Variants in GRID1 observed in about 807,000 individuals in gnomAD.
GRID1 encodes the protein glutamate receptor ionotropic, delta-1.
Under a neutral mutation model 98.0 loss-of-function variants are expected in GRID1, and 28 were observed. The observed-to-expected ratio is 0.29, with a 90% CI of 0.21 to 0.39. The LOEUF (loss-of-function observed/expected upper bound fraction) is 0.39, where lower values mean the gene tolerates loss of function less well. Ranked by LOEUF, GRID1 falls within the 10% of genes least tolerant of loss-of-function variation. The pLI is 1.00. For synonymous variants in GRID1, 553 were observed against 538.5 expected (o/e 1.03, Z -0.37); for missense variants, 1,111 against 1,340.5 (o/e 0.83, Z 2.67).
chr10:86,103,345 A>G (rs894725750), intron 4 of GRID1, among the ~76,000 whole-genome samples: 3 of 152,182 alleles, frequency 2.0e-5, no homozygotes, highest in African/African-American at 4.8e-5. Context: ...TCAATTCCCT[A>G]TAGGGCCCAG....
chr10:86,323,712 A>C (rs186769088), intron 2 of GRID1, among the ~76,000 whole-genome samples: 1 of 152,360 alleles, frequency 6.6e-6, no homozygotes, highest in East Asian at 1.9e-4. Flanking sequence ...TTCTGGAATT[A>C]GGTAGTGGCA....
chr10:86,187,677 G>A (rs915606307), intron 3 of GRID1, among the ~76,000 whole-genome samples: 4 of 152,198 alleles, frequency 2.6e-5, no homozygotes, highest in Admixed American at 1.3e-4. Context: ...CTAGTTCCAG[G>A]GGAGGTATTT....
chr10:85,741,777 T>C (rs1045086858), intron 8 of GRID1, among the ~76,000 whole-genome samples: 1 of 152,070 alleles, frequency 6.6e-6, no homozygotes, highest in Non-Finnish European at 1.5e-5. Context: ...ACCTGATCCA[T>C]GTCTGCCTTT....
intron 8 of GRID1, among the ~76,000 whole-genome samples, chr10:85,743,113 C>CG (rs1243943680): frequency 7.5e-6 from 1 of 134,180 alleles, no homozygotes; most frequent in Non-Finnish European, 1.7e-5. Context: ...CAGCCCCCCC[C>CG]CCCACCACCC....
chr10:85,713,470 G>A (rs1199392067), intron 12 of GRID1, among the ~76,000 whole-genome samples: 2 of 151,534 alleles, frequency 1.3e-5, no homozygotes, highest in Non-Finnish European at 3.0e-5. Flanking sequence ...AAAAATTGAA[G>A]GGAACACTTT....
chr10:85,889,342 C>T (rs1350891387), intron 5 of GRID1, among the ~76,000 whole-genome samples: 1 of 152,158 alleles, frequency 6.6e-6, no homozygotes, highest in African/African-American at 2.4e-5. Flanking sequence ...CCCCTTACCC[C>T]TCTCCTCCCA....
chr10:86,235,358 C>T (rs1846520926), intron 2 of GRID1, among the ~76,000 whole-genome samples: 1 of 152,246 alleles, frequency 6.6e-6, no homozygotes, highest in Admixed American at 6.5e-5. Flanking sequence ...TGACCATTTT[C>T]TAGTTATGGT....
At chr10:85,918,322 A>G (rs1163944579) in intron 4 of GRID1, among the ~76,000 whole-genome samples, 1 of 152,192 alleles carries the variant, frequency 6.6e-6, no homozygotes, top group African/African-American at 2.4e-5. Context: ...GAAAAACCAA[A>G]GGGGACTGCC....
rs181164091 is a variant in GRID1 at position 85,847,261 on chromosome 10, T to C, written c.1233+7235A>G. Among the ~76,000 whole-genome samples, 180 of 152,272 alleles carry C rather than the reference T, an allele frequency of 1.2e-3. 1 individual carries two copies. In the Middle Eastern group the frequency reaches 0.017, roughly 14 times the overall value. The stretch of plus-strand genomic sequence containing the variant: ...TGAACTGCCATAGTCATTCTGAAAT[T>C]ATGAGAAAAATTAAGACTATGCCCT... On this transcript the variant is annotated intron_variant, in intron 8 of 15. Coordinates refer to ENST00000327946, the MANE Select transcript of GRID1 (RefSeq NM_017551.3).
chr10:86,178,555 A>C (rs563001787), intron 3 of GRID1, among the ~76,000 whole-genome samples: 14 of 152,282 alleles, frequency 9.2e-5, no homozygotes, highest in Non-Finnish European at 1.5e-4. Context: ...GCCACAGGGG[A>C]CAGGCACAAG....
intron 2 of GRID1, among the ~76,000 whole-genome samples, chr10:86,354,914 C>T (rs1232011395): frequency 6.6e-6 from 1 of 152,226 alleles, no homozygotes; most frequent in East Asian, 1.9e-4. Context: ...TCTCTTGAGA[C>T]ACCCAGAATG....
At chr10:85,914,005 C>T (rs559253206) in intron 5 of GRID1, among the ~76,000 whole-genome samples, 51 of 152,262 alleles carry the variant, frequency 3.3e-4, no homozygotes, top group African/African-American at 1.2e-3. Context: ...ACAATCCTCT[C>T]AGTAGAAGCC....
Position 85,724,696 on chromosome 10 carries a change from C to T in GRID1, c.1534-20G>A. ...TGCTCTCTGAAAGGCAAAGCCATCTCATTTAGACGGCAGTCCTCAGCTTAC... is the reference window on the plus strand; with the variant it reads ...TGCTCTCTGAAAGGCAAAGCCATCTTATTTAGACGGCAGTCCTCAGCTTAC... On this transcript the variant is annotated intron_variant, in intron 10 of 15. Transcript: ENST00000327946. The T allele has an allele frequency of 1.3e-6, 2 of 1,590,660 alleles. No individual in the cohort carries two copies. Among genetic ancestry groups the T allele is most frequent in the Admixed American group, 1.7e-5 (1 of 59,564 alleles).
In GRID1 at chr10:86,260,388, C is replaced by G. The variant is rs565172635; in HGVS notation, c.236-53740G>C. On this transcript the variant is annotated intron_variant, in intron 2 of 15. Transcript: ENST00000327946. ...TTTCCCTAGGTCACACAGCAAGTGA[C>G]AAAGCTAGATTTACAAGCCAGATCT... Among the ~76,000 whole-genome samples the G allele has an allele frequency of 7.9e-5, 12 of 152,314 alleles. No individual in the cohort carries two copies. The South Asian group carries it at 1.2e-3, about 16-fold the overall frequency.
chr10:86,142,671 C>T (rs1443503555), intron 3 of GRID1, among the ~76,000 whole-genome samples: 1 of 152,236 alleles, frequency 6.6e-6, no homozygotes, highest in Non-Finnish European at 1.5e-5. Flanking sequence ...GCCATGTCTA[C>T]AGAGCACACC....
At chr10:85,877,323 C>G (rs569516038) in intron 5 of GRID1, among the ~76,000 whole-genome samples, 4 of 152,340 alleles carry the variant, frequency 2.6e-5, no homozygotes, top group East Asian at 3.9e-4. Context: ...GGTCCCTGAC[C>G]CCCGAGCAGC....
intron 3 of GRID1, among the ~76,000 whole-genome samples, chr10:86,146,519 C>A (rs890266211): frequency 6.6e-6 from 1 of 152,226 alleles, no homozygotes; most frequent in African/African-American, 2.4e-5. Flanking sequence ...AAAGAACTAC[C>A]TGCTGTGGCT....
intron 8 of GRID1, among the ~76,000 whole-genome samples, chr10:85,746,881 T>C (rs566386242): frequency 1.3e-5 from 2 of 152,346 alleles, no homozygotes; most frequent in Admixed American, 6.5e-5. Flanking sequence ...GGGTCATTTG[T>C]TAATGCATCA....
chr10:85,701,119 T>G (rs1841445981), intron 12 of GRID1, among the ~76,000 whole-genome samples: 1 of 152,108 alleles, frequency 6.6e-6, no homozygotes, highest in Non-Finnish European at 1.5e-5. Flanking sequence ...TTTAAACTCT[T>G]TGGGAGGTTT....
Sources: gnomAD v4.1 joint callset for allele counts (sites outside exome capture counted in the v4.1 genomes callset) on GRCh38, gnomAD v4.1.1 for gene constraint, MANE v1.5 for transcripts, NCBI Gene and HGNC (gene_info 2026-07-23, HGNC 2026-07-21) for gene names.